Variants in ANKAR observed in about 807,000 individuals in gnomAD.
ANKAR encodes the protein ankyrin and armadillo repeat containing, also known as ankyrin and armadillo repeat-containing protein.
In ANKAR, 136 loss-of-function variants were observed where a neutral mutation model predicts 146.2. The observed-to-expected ratio is 0.93, with a 90% CI of 0.81 to 1.07. The LOEUF (loss-of-function observed/expected upper bound fraction) is 1.07, where lower values mean the gene tolerates loss of function less well. ANKAR is among the 50% of genes least tolerant of loss of function. The pLI is 0.00. For missense variants in ANKAR, 1,567 were observed against 1,679.9 expected (o/e 0.93, Z 1.18); for synonymous variants, 500 against 575.8 (o/e 0.87, Z 1.88).
Position 189,730,303 on chromosome 2 carries a change from A to C in ANKAR, c.3194-192A>C, listed in dbSNP as rs189818808. ...CACTCACAATTCTAATAAAGTCTCC[A>C]TGTTTATTCACTTTGTCTTTTAAAA... On this transcript the variant is annotated intron_variant, in intron 15 of 22. Transcript: ENST00000684021. Among the ~76,000 whole-genome samples the C allele has an allele frequency of 1.1e-3, 166 of 152,314 alleles. 1 individual carries two copies. The highest frequency in any genetic ancestry group is 8.1e-3 in the Admixed American group (124 of 15,286).
chr2:189,762,578 A>G (rs773087002), downstream of ANKAR: 1,410 of 985,110 alleles, frequency 1.4e-3, 1 homozygote, highest in Non-Finnish European at 1.6e-3. Flanking sequence ...TGACTTGGGT[A>G]GCGCTGGTCT....
chr2:189,752,142 A>G (rs1559162903), intron 18 of ANKAR, among the ~76,000 whole-genome samples: 1 of 152,062 alleles, frequency 6.6e-6, no homozygotes, highest in Admixed American at 6.5e-5. Context: ...ACTCTAAAAA[A>G]AAAAAGAAAA....
chr2:189,742,905 GAC>G (rs397987025), intron 20 of ANKAR, among the ~76,000 whole-genome samples: 285 of 33,442 alleles, frequency 8.5e-3, no homozygotes, highest in African/African-American at 0.015. Flanking sequence ...AGAATTACCT[GAC>G]ACACACACAC....
chr2:189,695,014 C>A lies in ANKAR; in HGVS notation c.1341C>A (p.Phe447Leu), dbSNP rs1350037328. 6.4e-7 allele frequency: 1 copy of A among 1,555,774 alleles called. No individual in the cohort carries two copies. ...YYVIYFELET[F>L]YQQLYKTQWW... ...TGATCTATTTTGAACTAGAAACTTT[C>A]TATCAGCAACTATATAAGACACAGT... The change falls in exon 6 of 23, where the codon TTC (phenylalanine) becomes TTA (leucine). Residue 447 changes from phenylalanine (F) to leucine (L), a missense_variant. By Grantham distance (22) the Phe-to-Leu change is conservative (BLOSUM62 0). Coordinates refer to ENST00000684021, the MANE Select transcript of ANKAR (RefSeq NM_001378068.1).
At position 189,676,451 on chromosome 2, in the gene ANKAR, T is replaced by C; in HGVS notation, c.-35-5T>C. On this transcript the variant is annotated splice_polypyrimidine_tract_variant and splice_region_variant and intron_variant, in intron 1 of 22. Transcript: ENST00000684021. ...TGATAATCTTTTCCTTCTTATTCAT[T>C]GCAGAAGCTTCAAAAAGGACACACT... 6.7e-7 allele frequency: 1 copy of C among 1,497,004 alleles called. No homozygotes were observed. The highest frequency in any genetic ancestry group is 8.9e-7 in the Non-Finnish European group (1 of 1,125,942). 92.7% of individuals were successfully genotyped at this position (1,497,004 alleles called of 1,614,324 possible). A position where few individuals can be genotyped will look rare whatever the true frequency, so the allele number is the denominator to read the frequency against.
chr2:189,738,618 A>G lies in ANKAR; in HGVS notation c.3636A>G (p.Ala1212=), dbSNP rs61742162. The change falls in exon 19 of 23, where the codon GCA becomes GCG. Residue 1212 remains alanine, a synonymous_variant. Transcript: ENST00000684021. ...ATATGGACCATATTACTTTGTCTGC[A>G]AGAGGTGTTACTATTTTAGTTGATA... The part of the protein sequence containing the change: ...IRDMDHITLS[A]RGVTILVDSL... 2.1e-4 allele frequency: 343 copies of G among 1,612,652 alleles called. 3 individuals are homozygous for G. The African/African-American group carries it at 4.1e-3, about 19-fold the overall frequency.
At chr2:189,725,909 AAAAAG>A (rs538526500) in intron 12 of ANKAR, among the ~76,000 whole-genome samples, 104 of 152,272 alleles carry the variant, frequency 6.8e-4, no homozygotes, top group African/African-American at 1.8e-3. Flanking sequence ...CCTTGTCTCA[AAAAAG>A]AAAAGAAAAG....
chr2:189,692,327 A>T lies in ANKAR; in HGVS notation c.1112A>T (p.His371Leu), dbSNP rs572567736. The T allele has an allele frequency of 6.2e-7, 1 of 1,613,632 alleles. No individual in the cohort carries two copies. The highest frequency in any genetic ancestry group is 1.3e-5 in the African/African-American group (1 of 75,046). ...YGRDFKCQNFHYKENQYFHVH... is the reference protein window; with the variant it reads ...YGRDFKCQNFLYKENQYFHVH... Reference sequence around the variant, plus strand: ...AGAGATTTTAAATGCCAGAATTTTCACTACAAAGAGAATCAATATTTTCAT... The same window carrying T: ...AGAGATTTTAAATGCCAGAATTTTCTCTACAAAGAGAATCAATATTTTCAT... Residue 371 changes from histidine to leucine, a missense_variant, in exon 4 of 23, where the codon CAC becomes CTC. Physicochemically the swap from His to Leu is moderately conservative, Grantham distance 99. Coordinates refer to ENST00000684021, the MANE Select transcript of ANKAR (RefSeq NM_001378068.1).
intron 18 of ANKAR, among the ~76,000 whole-genome samples, chr2:189,757,811 G>A (rs769565923): frequency 2.6e-5 from 4 of 152,236 alleles, no homozygotes; most frequent in Non-Finnish European, 5.9e-5. Flanking sequence ...GATGAGCCAG[G>A]TGGATGGTAT....
Position 189,711,128 on chromosome 2 carries a change from A to G in ANKAR, c.2199A>G (p.Gln733=), listed in dbSNP as rs376474787. The G allele has an allele frequency of 2.7e-5, 44 of 1,613,438 alleles. No homozygotes were observed. Among genetic ancestry groups the G allele is most frequent in the African/African-American group, 4.0e-5 (3 of 74,926 alleles). Residue 733 remains glutamine (Q), a synonymous_variant, in exon 10 of 23, where the codon CAA becomes CAG. Coordinates refer to ENST00000684021, the MANE Select transcript of ANKAR (RefSeq NM_001378068.1). ...SLEVICLAND[Q]YWRCILDAGT... ...AAGTAATTTGCTTAGCAAATGATCA[A>G]TACTGGAGATGTATTTTGGATGCAG...
chr2:189,727,227 A>G (rs1260381576), intron 12 of ANKAR, among the ~76,000 whole-genome samples: 1 of 152,190 alleles, frequency 6.6e-6, no homozygotes, highest in Non-Finnish European at 1.5e-5. Context: ...CAAAGTTTAC[A>G]TATTTATTTT....
chr2:189,732,975 A>C, intron 16 of ANKAR, 132 bp from the exon 17 acceptor site: 2 of 830,832 alleles, frequency 2.4e-6, no homozygotes, highest in Non-Finnish European at 3.4e-6. Context: ...AGATAACTGG[A>C]ATCAATGGAT....
At chr2:189,678,689 C>T (rs191299257) in intron 2 of ANKAR, among the ~76,000 whole-genome samples, 2 of 152,304 alleles carry the variant, frequency 1.3e-5, no homozygotes, top group East Asian at 3.9e-4. Flanking sequence ...GGTGCCCTTT[C>T]CCCACTTTAC....
chr2:189,684,815 C>T (rs1329419652), intron 2 of ANKAR, among the ~76,000 whole-genome samples: 2 of 113,736 alleles, frequency 1.8e-5, no homozygotes, highest in East Asian at 5.2e-4. Context: ...GCCTGGGTGA[C>T]AGAGACCCTG....
chr2:189,746,765 C>A, downstream of ANKAR: 1 of 989,954 alleles, frequency 1.0e-6, no homozygotes, highest in Non-Finnish European at 1.4e-6. Context: ...AGCAGATTTT[C>A]CTTAGCATGT....
At chr2:189,745,024 C>CTAATAATAATAATAATAATAA (rs777180514) in intron 22 of ANKAR, among the ~76,000 whole-genome samples, 927 of 33,778 alleles carry the variant, frequency 0.027, 15 homozygotes, top group South Asian at 0.062. Context: ...ACTACTACTA[C>CTAATAATAATAATAATAATAA]TACTAATAAT....
chr2:189,677,251 ACTT>A (rs994224589), intron 2 of ANKAR, among the ~76,000 whole-genome samples, 160 bp downstream of exon 2: 2 of 151,666 alleles, frequency 1.3e-5, no homozygotes, highest in African/African-American at 4.8e-5. Context: ...GCACCTGGCC[ACTT>A]CTTAATTATT....
chr2:189,720,799 T>C lies in ANKAR; in HGVS notation c.2635+12T>C. On this transcript the variant is annotated intron_variant, in intron 12 of 22. Transcript: ENST00000684021. ...GAGTTCTGATTCAGGTGAGCTTCTATCTCTGTATTATTTTATAATGACCAG... is the reference window on the plus strand; with the variant it reads ...GAGTTCTGATTCAGGTGAGCTTCTACCTCTGTATTATTTTATAATGACCAG... 1 of 1,452,488 alleles carries C rather than the reference T, an allele frequency of 6.9e-7. No individual in the cohort carries two copies. The highest frequency in any genetic ancestry group is 1.6e-5 in the South Asian group (1 of 60,858). The allele number at this position is 1,452,488 out of a possible 1,614,324, so 90.0% of individuals were successfully genotyped here.
chr2:189,708,079 T>C lies in ANKAR; in HGVS notation c.2119+933T>C, dbSNP rs1342360587. On this transcript the variant is annotated intron_variant, in intron 9 of 22. Transcript: ENST00000684021. ...GGGAGCCTTACCCAAGCGTAAAGCA[T>C]AGGGAATTTCAAGGAAGACAGCAAG... Among the ~76,000 whole-genome samples the C allele has an allele frequency of 2.6e-5, 4 of 152,154 alleles. No individual in the cohort carries two copies. The East Asian group carries it at 7.7e-4, about 29-fold the overall frequency.
Sources: gnomAD v4.1 joint callset for allele counts (sites outside exome capture counted in the v4.1 genomes callset) on GRCh38, gnomAD v4.1.1 for gene constraint, MANE v1.5 for transcripts, NCBI Gene and HGNC (gene_info 2026-07-23, HGNC 2026-07-21) for gene names.